EYS: variants seen among roughly 807,000 people sequenced by gnomAD.
EYS encodes EGF-like photoreceptor maintenance factor.
Under a neutral mutation model 282.1 loss-of-function variants are expected in EYS, and 250 were observed. The ratio of observed to expected loss-of-function variants is 0.89; its 90% confidence interval spans 0.80 to 0.98. The LOEUF (loss-of-function observed/expected upper bound fraction) is 0.98. EYS is among the 50% of genes least tolerant of loss of function. The pLI is 0.00. For missense variants in EYS, 4,016 were observed against 3,709.0 expected (o/e 1.08, Z -2.15); for synonymous variants, 1,355 against 1,282.9 (o/e 1.06, Z -1.20).
chr6:64,394,377 A>C (rs1160995724), intron 28 of EYS, among the ~76,000 whole-genome samples: 2 of 152,166 alleles, frequency 1.3e-5, no homozygotes, highest in East Asian at 1.9e-4. Context: ...CCTGACTTCA[A>C]ACTATACTAC....
intron 26 of EYS, among the ~76,000 whole-genome samples, chr6:64,572,858 A>G (rs1430660826): frequency 6.6e-6 from 1 of 152,246 alleles, no homozygotes; most frequent in Non-Finnish European, 1.5e-5. Flanking sequence ...AAAGTAATTT[A>G]TAGATTCAAT....
At chr6:64,823,986 G>A (rs1157143812) in intron 19 of EYS, among the ~76,000 whole-genome samples, 1 of 151,824 alleles carries the variant, frequency 6.6e-6, no homozygotes, top group Non-Finnish European at 1.5e-5. Flanking sequence ...TGACATGTGA[G>A]GCTCTTACTA....
intron 19 of EYS, among the ~76,000 whole-genome samples, chr6:64,842,206 G>A (rs886241097): frequency 5.9e-5 from 9 of 151,400 alleles, no homozygotes; most frequent in African/African-American, 1.9e-4. Context: ...TTTACATAAG[G>A]TCTGGAACAA....
intron 12 of EYS, among the ~76,000 whole-genome samples, chr6:65,077,704 CAG>C (rs1774099021): frequency 6.6e-6 from 1 of 151,944 alleles, no homozygotes; most frequent in African/African-American, 2.4e-5. Context: ...AGATTAATGT[CAG>C]ATAGATAACA....
intron 28 of EYS, among the ~76,000 whole-genome samples, chr6:64,427,577 A>T (rs986765671): frequency 6.6e-6 from 1 of 152,122 alleles, no homozygotes; most frequent in Non-Finnish European, 1.5e-5. Flanking sequence ...CCATATAACA[A>T]AAAGATATTT....
intron 2 of EYS, among the ~76,000 whole-genome samples, chr6:65,634,712 TTC>T (rs1169635475): frequency 2.6e-5 from 4 of 152,198 alleles, no homozygotes. Context: ...CATCCTTGAT[TTC>T]TCTCTGTCAT....
chr6:65,567,493 A>G (rs946764519), intron 2 of EYS, among the ~76,000 whole-genome samples: 4 of 151,946 alleles, frequency 2.6e-5, no homozygotes, highest in African/African-American at 9.7e-5. Flanking sequence ...AGTAGGTAAT[A>G]AAAATGATGC....
rs1412311460 is a variant in EYS at position 64,813,468 on chromosome 6, A to C, written c.3353T>G (p.Ile1118Ser). 1 of 1,550,446 alleles carries C rather than the reference A, an allele frequency of 6.4e-7. No individual in the cohort carries two copies. Among genetic ancestry groups the C allele is most frequent in the South Asian group, 1.2e-5 (1 of 83,982 alleles). ...GYTGAYCEKS[I>S]DNCAEPELNS... ...AAGTTCAGGCTCAGCACAATTATCA[A>C]TGCTTTTTTCACAGTATGCACCAGT... Residue 1118 changes from isoleucine to serine, a missense_variant, in exon 22 of 43, where the codon ATT (isoleucine) becomes AGT (serine). Transcript: ENST00000503581.
chr6:65,597,858 T>C (rs1490244630), intron 2 of EYS, among the ~76,000 whole-genome samples: 1 of 151,976 alleles, frequency 6.6e-6, no homozygotes, highest in Admixed American at 6.6e-5. Context: ...CCCAATACTT[T>C]GGGAGGTCAA....
chr6:65,055,633 T>C (rs948704163), intron 13 of EYS, among the ~76,000 whole-genome samples: 6 of 152,064 alleles, frequency 3.9e-5, no homozygotes, highest in African/African-American at 1.4e-4. Flanking sequence ...TTTCTCAGAC[T>C]TTTCTTGCTT....
At chr6:64,957,593 G>A (rs968208127) in intron 14 of EYS, among the ~76,000 whole-genome samples, 3 of 152,156 alleles carry the variant, frequency 2.0e-5, no homozygotes, top group African/African-American at 4.8e-5. Context: ...TAATTTGATT[G>A]TAATTTGTTG....
chr6:65,463,011 C>T (rs1424127749), intron 5 of EYS, among the ~76,000 whole-genome samples: 1 of 152,038 alleles, frequency 6.6e-6, no homozygotes, highest in Admixed American at 6.6e-5. Flanking sequence ...ATTTAACTGG[C>T]TTTCCTGCTT....
At chr6:65,556,234 G>A (rs1476926870) in intron 2 of EYS, among the ~76,000 whole-genome samples, 1 of 152,188 alleles carries the variant, frequency 6.6e-6, no homozygotes, top group Non-Finnish European at 1.5e-5. Context: ...TGTTCAGAAG[G>A]CTGAGGCAGG....
chr6:65,454,905 TA>T (rs965997085), intron 5 of EYS, among the ~76,000 whole-genome samples: 1 of 152,124 alleles, frequency 6.6e-6, no homozygotes, highest in African/African-American at 2.4e-5. Flanking sequence ...TTGGTTACTT[TA>T]GTTTTGTAGT....
chr6:63,865,764 T>G (rs1478536204), intron 35 of EYS, among the ~76,000 whole-genome samples: 2 of 152,220 alleles, frequency 1.3e-5, no homozygotes, highest in Non-Finnish European at 2.9e-5. Context: ...ACCATTTTTT[T>G]CATCATAATG....
At chr6:64,223,505 C>A (rs1038718560) in intron 31 of EYS, among the ~76,000 whole-genome samples, 5 of 151,722 alleles carry the variant, frequency 3.3e-5, no homozygotes, top group Non-Finnish European at 7.4e-5. Flanking sequence ...TGGAATATAC[C>A]CCTGAAAAAC....
chr6:64,652,560 T>C (rs750081370), intron 22 of EYS, among the ~76,000 whole-genome samples: 22 of 152,178 alleles, frequency 1.4e-4, no homozygotes, highest in Non-Finnish European at 2.6e-4. Context: ...ACAAACACTC[T>C]GATTTTAGCC....
chr6:64,640,358 G>T (rs907612217), intron 22 of EYS, among the ~76,000 whole-genome samples: 3 of 152,004 alleles, frequency 2.0e-5, no homozygotes, highest in Non-Finnish European at 2.9e-5. Context: ...AGAAAATGTG[G>T]CACATATACA....
At chr6:64,342,712 A>G (rs907825486) in intron 29 of EYS, among the ~76,000 whole-genome samples, 5 of 152,050 alleles carry the variant, frequency 3.3e-5, no homozygotes, top group Non-Finnish European at 7.4e-5. Flanking sequence ...TTCACACATA[A>G]CAATACTAAC....
Sources: gnomAD v4.1 joint callset for allele counts (sites outside exome capture counted in the v4.1 genomes callset) on GRCh38, gnomAD v4.1.1 for gene constraint, MANE v1.5 for transcripts, NCBI Gene and HGNC (gene_info 2026-07-23, HGNC 2026-07-21) for gene names.